MAP3K13: variants seen among roughly 807,000 people sequenced by gnomAD.
The protein encoded by MAP3K13 is leucine zipper-bearing kinase.
Under a neutral mutation model 104.0 loss-of-function variants are expected in MAP3K13, and 52 were observed. The observed-to-expected ratio is 0.50, with a 90% confidence interval of 0.40 to 0.63. MAP3K13 has a LOEUF of 0.63. Among genes scored for constraint, MAP3K13 ranks in the 20% least tolerant of loss-of-function variants. The pLI is 0.00. For synonymous variants in MAP3K13, 394 were observed against 442.2 expected (o/e 0.89, Z 1.37); for missense variants, 914 against 1,218.5 (o/e 0.75, Z 3.72).
At chr3:185,318,485 A>T (rs1026548424) in intron 2 of MAP3K13, among the ~76,000 whole-genome samples, 4 of 152,384 alleles carry the variant, frequency 2.6e-5, no homozygotes, top group Admixed American at 1.3e-4. Context: ...GCAGTTATTC[A>T]TCCCTAGGCT....
intron 1 of MAP3K13, among the ~76,000 whole-genome samples, chr3:185,406,071 T>C (rs1023889031): frequency 6.6e-6 from 1 of 152,190 alleles, no homozygotes; most frequent in African/African-American, 2.4e-5. Context: ...CCCCCTAGAA[T>C]TATACAATGT....
At position 185,480,507 on chromosome 3, in the gene MAP3K13, G is replaced by C; in HGVS notation, c.2777G>C (p.Cys926Ser). 1 of 1,613,774 alleles carries C rather than the reference G, an allele frequency of 6.2e-7. No individual in the cohort carries two copies. Among genetic ancestry groups the C allele is most frequent in the Non-Finnish European group, 8.5e-7 (1 of 1,179,702 alleles). ...ACTCAGATGTCTCTGGGCAAGCTGT[G>C]TGTGGAGGAACGTGGCTATGAGGTG... is the stretch of plus-strand genomic sequence containing the variant. Reference protein sequence around the residue: ...VKTQMSLGKLCVEERGYENPM... With the variant: ...VKTQMSLGKLSVEERGYENPM... Residue 926 changes from cysteine (C) to serine (S), a missense_variant, in exon 13 of 14, where the codon TGT (cysteine) becomes TCT (serine). This residue lies in a region of MAP3K13 where 583 missense variants were observed against 737.4 expected (regional missense o/e 0.79). Transcript: ENST00000265026.
At chr3:185,344,315 G>C (rs568378358) in intron 2 of MAP3K13, among the ~76,000 whole-genome samples, 77 of 152,146 alleles carry the variant, frequency 5.1e-4, no homozygotes, top group Non-Finnish European at 7.2e-4. Flanking sequence ...TTGAAAAGGA[G>C]AGACATGGAC....
chr3:185,460,017 C>G (rs1717007489), intron 7 of MAP3K13, among the ~76,000 whole-genome samples: 1 of 152,178 alleles, frequency 6.6e-6, no homozygotes, highest in Non-Finnish European at 1.5e-5. Context: ...TTTCAAGGTT[C>G]ACGTATTTTG....
chr3:185,414,600 A>G (rs1713637905), intron 1 of MAP3K13, among the ~76,000 whole-genome samples: 3 of 152,200 alleles, frequency 2.0e-5, no homozygotes, highest in African/African-American at 7.2e-5. Flanking sequence ...CCTACCAAGT[A>G]TATCTAGGAC....
intron 1 of MAP3K13, among the ~76,000 whole-genome samples, chr3:185,384,726 T>C (rs1466819139): frequency 6.6e-6 from 1 of 152,208 alleles, no homozygotes; most frequent in African/African-American, 2.4e-5. Flanking sequence ...TCTTTTCATA[T>C]ACCCATTTGC....
intron 2 of MAP3K13, among the ~76,000 whole-genome samples, chr3:185,352,166 C>T (rs1038669871): frequency 4.6e-5 from 7 of 152,098 alleles, no homozygotes; most frequent in African/African-American, 1.7e-4. Context: ...GAGTGGGGGC[C>T]GGGCGCGGTG....
intron 1 of MAP3K13, among the ~76,000 whole-genome samples, chr3:185,400,908 T>G (rs1411083733): frequency 9.0e-6 from 1 of 110,622 alleles, no homozygotes; most frequent in Non-Finnish European, 1.8e-5. Flanking sequence ...TTTGTTTGTT[T>G]TTTTTTTTTT....
intron 9 of MAP3K13, 29 bp downstream of exon 9, chr3:185,465,892 A>G: frequency 6.7e-7 from 1 of 1,498,738 alleles, no homozygotes; most frequent in Non-Finnish European, 9.3e-7. Context: ...GTCTGTTCTT[A>G]CTGATTTGAG....
intron 1 of MAP3K13, chr3:185,417,552 A>G: frequency 1.2e-6 from 2 of 1,611,282 alleles, no homozygotes; most frequent in East Asian, 2.2e-5. Context: ...GCTTCTTTTC[A>G]GGGGCTGGTT....
intron 2 of MAP3K13, among the ~76,000 whole-genome samples, chr3:185,320,537 C>T (rs2108693949): frequency 1.3e-5 from 2 of 152,308 alleles, no homozygotes; most frequent in Admixed American, 1.3e-4. Flanking sequence ...CAAATGACAT[C>T]AGACTAGATG....
chr3:185,471,402 C>T (rs2148921431), intron 10 of MAP3K13, among the ~76,000 whole-genome samples: 1 of 149,618 alleles, frequency 6.7e-6, no homozygotes, highest in Admixed American at 6.7e-5. Context: ...TATCTTGGCC[C>T]CCAAAGTGCT....
chr3:185,321,240 G>A (rs1474809018), intron 2 of MAP3K13, among the ~76,000 whole-genome samples: 1 of 151,804 alleles, frequency 6.6e-6, no homozygotes, highest in African/African-American at 2.4e-5. Flanking sequence ...ACATATACAC[G>A]TGTATATTAT....
At chr3:185,342,485 A>G (rs555575555) in intron 2 of MAP3K13, among the ~76,000 whole-genome samples, 2 of 152,320 alleles carry the variant, frequency 1.3e-5, no homozygotes, top group East Asian at 1.9e-4. Context: ...AACAAAGGAC[A>G]TTGGAAGGCA....
chr3:185,288,980 T>G (rs933038546), intron 2 of MAP3K13, among the ~76,000 whole-genome samples: 9 of 152,182 alleles, frequency 5.9e-5, no homozygotes, highest in African/African-American at 1.9e-4. Context: ...AAAACAGATT[T>G]GATTACCTTG....
At chr3:185,474,549 G>A (rs948322359) in intron 11 of MAP3K13, among the ~76,000 whole-genome samples, 1 of 152,110 alleles carries the variant, frequency 6.6e-6, no homozygotes, top group Non-Finnish European at 1.5e-5. Flanking sequence ...TTGTTTAACC[G>A]AGCATTTCCC....
intron 2 of MAP3K13, among the ~76,000 whole-genome samples, chr3:185,307,546 C>CCCCCCCCCCCCCCCCCCCCCCCCCA (rs58408265): frequency 3.7e-4 from 39 of 104,042 alleles, no homozygotes; most frequent in South Asian, 1.9e-3. Context: ...GCACCACCCC[C>CCCCCCCCCCCCCCCCCCCCCCCCCA]TCCCCCGCCA....
intron 1 of MAP3K13, among the ~76,000 whole-genome samples, chr3:185,387,563 A>G (rs1052521824): frequency 6.6e-6 from 1 of 152,156 alleles, no homozygotes; most frequent in Non-Finnish European, 1.5e-5. Context: ...AAAATGGACT[A>G]AGACACCATA....
At chr3:185,362,971 A>T, upstream of MAP3K13, 1 of 321,366 alleles carries the variant, frequency 3.1e-6, no homozygotes, top group Non-Finnish European at 4.5e-6. Context: ...ACACACACAC[A>T]CACACACACA....
Sources: allele counts gnomAD v4.1 joint callset (sites outside exome capture counted in the v4.1 genomes callset), GRCh38; gene constraint gnomAD v4.1.1; regional missense constraint gnomAD v4.1.1; transcripts MANE v1.5; gene names NCBI Gene and HGNC (gene_info 2026-07-23, HGNC 2026-07-21).